Variants in DYNC1I1 observed in about 807,000 individuals in gnomAD.
DYNC1I1 encodes dynein cytoplasmic 1 intermediate chain 1, also known as cytoplasmic dynein 1 intermediate chain 1.
Under a neutral mutation model 86.6 loss-of-function variants are expected in DYNC1I1, and 43 were observed. The ratio of observed to expected loss-of-function variants is 0.50; its 90% confidence interval spans 0.39 to 0.64. The LOEUF is 0.64. Among genes scored for constraint, DYNC1I1 ranks in the 30% least tolerant of loss-of-function variants. The pLI, the probability that DYNC1I1 is intolerant of heterozygous loss-of-function variation, is 0.00. For synonymous variants in DYNC1I1, 262 were observed against 283.7 expected (o/e 0.92, Z 0.77); for missense variants, 604 against 788.8 (o/e 0.77, Z 2.81).
chr7:96,002,248 T>C (rs1371223227), intron 10 of DYNC1I1, among the ~76,000 whole-genome samples: 2 of 152,184 alleles, frequency 1.3e-5, no homozygotes, highest in African/African-American at 4.8e-5. Flanking sequence ...CCTGTTCACA[T>C]TGGTCAAATT....
chr7:95,815,815 C>T lies in DYNC1I1; in HGVS notation c.314+2478C>T, dbSNP rs947492754. Among the ~76,000 whole-genome samples, 8 of 152,024 alleles carry T rather than the reference C, an allele frequency of 5.3e-5. No individual in the cohort carries two copies. In the South Asian group the frequency reaches 6.2e-4, roughly 12 times the overall value. On this transcript the variant is annotated intron_variant, in intron 4 of 16. Coordinates refer to ENST00000447467, the MANE Select transcript of DYNC1I1 (RefSeq NM_001135556.2). The stretch of plus-strand genomic sequence containing the variant: ...CAAGAATTAAATTAACACATCTGGC[C>T]GTAGCTAAAGGCACATATAAATTAT...
intron 6 of DYNC1I1, among the ~76,000 whole-genome samples, chr7:95,962,503 A>AT (rs1475800559): frequency 6.6e-6 from 1 of 152,030 alleles, no homozygotes; most frequent in Non-Finnish European, 1.5e-5. Flanking sequence ...TACCTTGCAC[A>AT]TTTTTGTGGC....
In DYNC1I1 at chr7:96,105,038, CAT is replaced by C. The variant is rs982595626; in HGVS notation, c.1543-4940_1543-4939del. Among the ~76,000 whole-genome samples the C allele has an allele frequency of 4.9e-5, 7 of 143,266 alleles. 1 individual carries two copies. The highest frequency in any genetic ancestry group is 9.1e-5 in the Non-Finnish European group (6 of 65,874). The allele number at this position is 143,266 out of a possible 152,430, so 94.0% of individuals were successfully genotyped here. ...AGAGTTCACCAATAGGTTGTGCAAA[CAT>C]TTTTTTTTCAATTTATTCCTAGATA... is the stretch of plus-strand genomic sequence containing the variant. On this transcript the variant is annotated intron_variant, in intron 16 of 16. Transcript: ENST00000537881.
At chr7:96,075,074 C>G (rs1049688159) in intron 14 of DYNC1I1, among the ~76,000 whole-genome samples, 3 of 152,136 alleles carry the variant, frequency 2.0e-5, no homozygotes, top group Non-Finnish European at 2.9e-5. Context: ...ATTAGTAAAG[C>G]CATTATGCAG....
At chr7:95,905,900 T>C (rs1016923931) in intron 6 of DYNC1I1, among the ~76,000 whole-genome samples, 1 of 152,326 alleles carries the variant, frequency 6.6e-6, no homozygotes, top group Non-Finnish European at 1.5e-5. Context: ...TCAATATTAA[T>C]GATATACTGT....
rs887639271 is a variant in DYNC1I1 at position 96,022,126 on chromosome 7, A to G, written c.970-6049A>G. ...TGCACCATTGTACATTCCCACAAGC[A>G]TTGTAATGAGTGTTCCCATCTCTCC... On this transcript the variant is annotated intron_variant, in intron 10 of 16. Coordinates refer to ENST00000447467, the MANE Select transcript of DYNC1I1 (RefSeq NM_001135556.2). Among the ~76,000 whole-genome samples the G allele has an allele frequency of 2.0e-5, 3 of 152,284 alleles. No individual in the cohort carries two copies. In the South Asian group the frequency reaches 6.2e-4, roughly 32 times the overall value.
chr7:95,911,375 G>T (rs1310781831), intron 6 of DYNC1I1, among the ~76,000 whole-genome samples: 3 of 152,118 alleles, frequency 2.0e-5, no homozygotes, highest in Non-Finnish European at 2.9e-5. Context: ...TGGGGCCGGT[G>T]GAGAGACCCC....
At chr7:96,070,061 G>A (rs1378564574) in intron 14 of DYNC1I1, among the ~76,000 whole-genome samples, 1 of 152,094 alleles carries the variant, frequency 6.6e-6, no homozygotes, top group African/African-American at 2.4e-5. Context: ...TTCTGACCAC[G>A]ATACACACAG....
chr7:95,853,497 T>C (rs571111200), intron 5 of DYNC1I1, among the ~76,000 whole-genome samples: 12 of 152,336 alleles, frequency 7.9e-5, no homozygotes, highest in African/African-American at 2.9e-4. Context: ...CATTATAAAT[T>C]AGCCAGTTTG....
At chr7:95,886,042 G>A (rs1790584140) in intron 6 of DYNC1I1, among the ~76,000 whole-genome samples, 1 of 152,100 alleles carries the variant, frequency 6.6e-6, no homozygotes, top group East Asian at 1.9e-4. Context: ...ATCCTTTATT[G>A]AGCTATTACT....
At chr7:96,098,474 A>T, downstream of DYNC1I1, 1 of 956,068 alleles carries the variant, frequency 1.0e-6, no homozygotes, top group Non-Finnish European at 1.2e-6. Context: ...GCTTGACTGG[A>T]ATTCTGCTGG....
intron 2 of DYNC1I1, 69 bp downstream of exon 2, chr7:95,804,906 A>G (rs1200599487): frequency 8.1e-5 from 122 of 1,508,506 alleles, no homozygotes; most frequent in Non-Finnish European, 1.0e-4. Context: ...GGCTGGTCAA[A>G]TGGATAAATA....
chr7:95,947,193 A>G (rs1257896848), intron 6 of DYNC1I1, among the ~76,000 whole-genome samples: 2 of 152,210 alleles, frequency 1.3e-5, no homozygotes, highest in African/African-American at 4.8e-5. Flanking sequence ...AGTGTGTGCA[A>G]AATACCTAGC....
At chr7:95,875,886 A>T (rs1790297291) in intron 6 of DYNC1I1, among the ~76,000 whole-genome samples, 1 of 152,128 alleles carries the variant, frequency 6.6e-6, no homozygotes, top group Admixed American at 6.5e-5. Context: ...CCAGACCTTG[A>T]GTTGATGCCT....
Position 95,957,171 on chromosome 7 carries a change from A to G in DYNC1I1, c.491-20341A>G, listed in dbSNP as rs757175851. Among the ~76,000 whole-genome samples, 3 of 152,230 alleles carry G rather than the reference A, an allele frequency of 2.0e-5. No homozygotes were observed. In the East Asian group the frequency reaches 5.8e-4, roughly 29 times the overall value. ...TACTTCACTATGAAATGAGGCTAAA[A>G]TATTCCTTATGTGAAATATTACTAC... On this transcript the variant is annotated intron_variant, in intron 6 of 16. Transcript: ENST00000447467.
intron 9 of DYNC1I1, among the ~76,000 whole-genome samples, chr7:95,993,693 C>G (rs988149095): frequency 6.6e-6 from 1 of 152,144 alleles, no homozygotes; most frequent in African/African-American, 2.4e-5. Context: ...TCTGCACAAC[C>G]AGCACATTGT....
chr7:95,818,688 A>G, intron 4 of DYNC1I1: 1 of 443,194 alleles, frequency 2.3e-6, no homozygotes, highest in Non-Finnish European at 4.0e-6. Flanking sequence ...TGTGTATTTT[A>G]TACAACTAGA....
intron 14 of DYNC1I1, among the ~76,000 whole-genome samples, chr7:96,068,524 C>T (rs1459653533): frequency 2.0e-5 from 3 of 152,062 alleles, no homozygotes; most frequent in Non-Finnish European, 2.9e-5. Flanking sequence ...TAGAATTAAA[C>T]GTTTAGATAA....
chr7:95,802,378 C>T (rs1195176723), intron 1 of DYNC1I1, among the ~76,000 whole-genome samples: 2 of 152,320 alleles, frequency 1.3e-5, no homozygotes, highest in African/African-American at 4.8e-5. Context: ...TCTGTCTCCA[C>T]ATTCGCCTAC....
Sources: allele counts gnomAD v4.1 joint callset (sites outside exome capture counted in the v4.1 genomes callset), GRCh38; gene constraint gnomAD v4.1.1; transcripts MANE v1.5; gene names NCBI Gene and HGNC (gene_info 2026-07-23, HGNC 2026-07-21).